The following ASB11 variants were observed in gnomAD, a reference collection of about 807,000 sequenced individuals.
ASB11 encodes the protein ankyrin repeat and SOCS box protein 11.
ASB11 carries 17 observed loss-of-function variants against 20.1 expected under a neutral mutation model. The ratio of observed to expected loss-of-function variants is 0.85; its 90% CI spans 0.58 to 1.27. The LOEUF (loss-of-function observed/expected upper bound fraction) is 1.27. Among genes scored for constraint, ASB11 ranks in the 50% most tolerant of loss-of-function variants. ASB11 has a pLI of 0.00. For synonymous variants in ASB11, 107 were observed against 105.6 expected (o/e 1.01, Z -0.08); for missense variants, 259 against 256.9 (o/e 1.01, Z -0.06).
intron 1 of ASB11, chrX:15,314,297 C>T: frequency 9.4e-7 from 1 of 1,060,310 alleles, no homozygotes; most frequent in East Asian, 3.3e-5. Flanking sequence ...CTTTTCAGAT[C>T]ATGCTTAACT....
intron 4 of ASB11, among the ~76,000 whole-genome samples, chrX:15,290,680 C>T (rs997022404): frequency 1.8e-5 from 2 of 111,641 alleles, no homozygotes; most frequent in African/African-American, 6.5e-5. Flanking sequence ...TTAAATATCT[C>T]CCTAAAAAAT....
chrX:15,308,844 G>A (rs1921328166), intron 1 of ASB11, among the ~76,000 whole-genome samples: 1 of 111,503 alleles, frequency 9.0e-6, no homozygotes, highest in Non-Finnish European at 1.9e-5. Context: ...CTAACCCCTG[G>A]GCCATTCCGT....
chrX:15,293,416 A>C, intron 3 of ASB11, 96 bp from the exon 4 acceptor site: 1 of 963,546 alleles, frequency 1.0e-6, no homozygotes, highest in Non-Finnish European at 1.4e-6. Flanking sequence ...GGAATTCCCC[A>C]CGCTGGTGAA....
At chrX:15,284,201 G>C (rs985895975) in intron 6 of ASB11, among the ~76,000 whole-genome samples, 3 of 101,622 alleles carry the variant, frequency 3.0e-5, no homozygotes, top group South Asian at 4.6e-4. Flanking sequence ...GCAGTGAGCC[G>C]AGATCGGGCC....
At chrX:15,301,514 C>CAG (rs200347568) in intron 2 of ASB11, among the ~76,000 whole-genome samples, 10 of 108,578 alleles carry the variant, frequency 9.2e-5, no homozygotes, top group African/African-American at 2.4e-4. Context: ...CACACACAGA[C>CAG]AGAGAGAGAG....
intron 3 of ASB11, among the ~76,000 whole-genome samples, chrX:15,295,407 G>A (rs1920957989): frequency 8.9e-6 from 1 of 112,076 alleles, no homozygotes; most frequent in African/African-American, 3.2e-5. Flanking sequence ...TAAAGGAGAG[G>A]ATAGACTTGG....
chrX:15,298,296 A>G (rs1335849954), intron 2 of ASB11, among the ~76,000 whole-genome samples: 1 of 111,443 alleles, frequency 9.0e-6, no homozygotes, highest in Non-Finnish European at 1.9e-5. Flanking sequence ...GTATGCCATT[A>G]GGAGAGAATA....
intron 2 of ASB11, 89 bp from the exon 3 acceptor site, chrX:15,297,770 A>T: frequency 1.2e-6 from 1 of 851,158 alleles, no homozygotes; most frequent in Non-Finnish European, 1.7e-6. Flanking sequence ...TCCTGGCCTC[A>T]AGTGATCTTC....
At chrX:15,288,885 CAA>C (rs1391742665) in intron 5 of ASB11, among the ~76,000 whole-genome samples, 1 of 99,013 alleles carries the variant, frequency 1.0e-5, no homozygotes, top group Non-Finnish European at 2.1e-5. Flanking sequence ...AACTTCATCT[CAA>C]AAAAAAAAAA....
intron 1 of ASB11, among the ~76,000 whole-genome samples, chrX:15,307,620 C>A (rs1352694730): frequency 8.9e-6 from 1 of 111,981 alleles, no homozygotes; most frequent in African/African-American, 3.2e-5. Flanking sequence ...AGGCCATGGA[C>A]TGGTACTGGT....
intron 2 of ASB11, among the ~76,000 whole-genome samples, chrX:15,301,248 C>G (rs1179333561): frequency 8.9e-6 from 1 of 111,871 alleles, no homozygotes; most frequent in African/African-American, 3.3e-5. Flanking sequence ...CAGGCGTGAG[C>G]CACCACATCC....
chrX:15,299,414 T>C (rs936344603), intron 2 of ASB11, among the ~76,000 whole-genome samples: 3 of 112,027 alleles, frequency 2.7e-5, no homozygotes, highest in African/African-American at 9.7e-5. Context: ...GATTGGCAAT[T>C]GGTTGAAAGA....
At chrX:15,297,264 G>A (rs1369152705) in intron 3 of ASB11, among the ~76,000 whole-genome samples, 1 of 111,673 alleles carries the variant, frequency 9.0e-6, no homozygotes, top group Non-Finnish European at 1.9e-5. Context: ...ACTCCAGCCT[G>A]GGCGACAGAG....
intron 3 of ASB11, among the ~76,000 whole-genome samples, chrX:15,294,867 C>T (rs1036301272): frequency 2.2e-5 from 2 of 90,464 alleles, no homozygotes; most frequent in African/African-American, 4.0e-5. Context: ...TCTTCTTATG[C>T]GATTTCCTAT....
chrX:15,285,736 G>A (rs1239192562), intron 6 of ASB11, among the ~76,000 whole-genome samples: 1 of 110,498 alleles, frequency 9.0e-6, no homozygotes, highest in Admixed American at 9.6e-5. Context: ...AGGCGCGGTG[G>A]CTCACGCCTG....
chrX:15,314,611 T>C lies in ASB11; in HGVS notation c.181+814A>G. On this transcript the variant is annotated intron_variant, in intron 1 of 6. Coordinates refer to ENST00000480796, the MANE Select transcript of ASB11 (RefSeq NM_080873.3). ...TTTGAAAGAGAATCCTGGATGCAAA[T>C]TGAAATGGATACTAGATAAAGAATG... is the stretch of plus-strand genomic sequence containing the variant. 3.4e-6 allele frequency: 3 copies of C among 886,895 alleles called. No individual in the cohort carries two copies. The East Asian group carries it at 1.1e-4, about 33-fold the overall frequency. The allele number at this position is 886,895 out of a possible 1,213,427, so 73.1% of individuals were successfully genotyped here.
At chrX:15,285,351 G>A (rs1381333125) in intron 6 of ASB11, among the ~76,000 whole-genome samples, 1 of 108,836 alleles carries the variant, frequency 9.2e-6, no homozygotes, top group Non-Finnish European at 1.9e-5. Context: ...ATCTTAGCCA[G>A]GCTGGTCTTG....
chrX:15,303,324 C>A (rs983915271), intron 1 of ASB11, among the ~76,000 whole-genome samples: 5 of 111,016 alleles, frequency 4.5e-5, no homozygotes, highest in African/African-American at 9.8e-5. Context: ...TATACTAACA[C>A]TAACAATATC....
At chrX:15,305,382 G>T (rs1199572359) in intron 1 of ASB11, among the ~76,000 whole-genome samples, 1 of 111,639 alleles carries the variant, frequency 9.0e-6, no homozygotes, top group South Asian at 3.7e-4. Context: ...TAATTGGAGA[G>T]ACTGAGGAAC....
Sources: allele counts gnomAD v4.1 joint callset (sites outside exome capture counted in the v4.1 genomes callset), GRCh38; gene constraint gnomAD v4.1.1; transcripts MANE v1.5; gene names NCBI Gene and HGNC (gene_info 2026-07-23, HGNC 2026-07-21).